The following CCSER1 variants were observed in gnomAD, a reference collection of about 807,000 sequenced individuals.
CCSER1 encodes coiled-coil serine rich protein 1.
Under a neutral mutation model 82.0 loss-of-function variants are expected in CCSER1, and 41 were observed. That is an observed-to-expected ratio of 0.50 (90% confidence interval 0.39 to 0.65). CCSER1 has a LOEUF of 0.65. Ranked by LOEUF, CCSER1 falls within the 30% of genes least tolerant of loss-of-function variation. The pLI is 0.00. For synonymous variants in CCSER1, 414 were observed against 383.9 expected (o/e 1.08, Z -0.92); for missense variants, 1,119 against 1,064.2 (o/e 1.05, Z -0.72).
intron 3 of CCSER1, among the ~76,000 whole-genome samples, chr4:90,387,531 A>G (rs1750245901): frequency 6.6e-6 from 1 of 152,182 alleles, no homozygotes; most frequent in South Asian, 2.1e-4. Context: ...CTTAGAGTAG[A>G]GGCTGACTAA....
intron 4 of CCSER1, among the ~76,000 whole-genome samples, chr4:90,438,087 T>C (rs1025365400): frequency 6.6e-6 from 1 of 152,124 alleles, no homozygotes; most frequent in Non-Finnish European, 1.5e-5. Flanking sequence ...AAATAGCACA[T>C]TGAAAAAGCT....
chr4:90,141,855 G>T (rs1254939539), intron 1 of CCSER1, among the ~76,000 whole-genome samples: 3 of 152,204 alleles, frequency 2.0e-5, no homozygotes, highest in Admixed American at 6.5e-5. Context: ...AGGTATGCTT[G>T]CCCACTGCAG....
chr4:90,603,664 G>C (rs889960399), intron 5 of CCSER1, among the ~76,000 whole-genome samples: 1 of 152,006 alleles, frequency 6.6e-6, no homozygotes, highest in Non-Finnish European at 1.5e-5. Context: ...CTCCCTTTTG[G>C]CACATGTGGG....
At chr4:90,665,882 A>C (rs2149119566) in intron 6 of CCSER1, among the ~76,000 whole-genome samples, 1 of 152,188 alleles carries the variant, frequency 6.6e-6, no homozygotes, top group Non-Finnish European at 1.5e-5. Flanking sequence ...TTGGGCTCTT[A>C]TGTGGACCTT....
At chr4:91,098,147 G>A (rs1339756474) in intron 10 of CCSER1, among the ~76,000 whole-genome samples, 2 of 152,118 alleles carry the variant, frequency 1.3e-5, no homozygotes, top group African/African-American at 2.4e-5. Flanking sequence ...CTTTATTGAT[G>A]TAAAGTATCA....
intron 10 of CCSER1, among the ~76,000 whole-genome samples, chr4:91,301,123 T>C (rs1744634662): frequency 6.6e-6 from 1 of 151,898 alleles, no homozygotes; most frequent in African/African-American, 2.4e-5. Flanking sequence ...TGGGTATTGA[T>C]AAATATACTA....
chr4:91,209,299 A>G (rs1407885115), intron 10 of CCSER1, among the ~76,000 whole-genome samples: 1 of 151,860 alleles, frequency 6.6e-6, no homozygotes, highest in African/African-American at 2.4e-5. Context: ...CCAGTTTTCA[A>G]GGGGATTCTT....
intron 10 of CCSER1, among the ~76,000 whole-genome samples, chr4:91,442,040 T>C (rs1476029502): frequency 6.6e-6 from 1 of 152,104 alleles, no homozygotes; most frequent in African/African-American, 2.4e-5. Flanking sequence ...AAAATGACCA[T>C]ACTGCCCAAG....
At chr4:90,408,782 C>T (rs1235524799) in intron 4 of CCSER1, among the ~76,000 whole-genome samples, 3 of 152,148 alleles carry the variant, frequency 2.0e-5, no homozygotes, top group African/African-American at 7.2e-5. Flanking sequence ...GCTGGACGGA[C>T]AATGACTTTG....
At chr4:91,277,200 T>G (rs760086399) in intron 10 of CCSER1, among the ~76,000 whole-genome samples, 5 of 152,120 alleles carry the variant, frequency 3.3e-5, no homozygotes, top group Admixed American at 2.0e-4. Context: ...TGTAAATATT[T>G]TTGAATAGTT....
At chr4:90,647,138 T>A (rs569300235) in intron 6 of CCSER1, among the ~76,000 whole-genome samples, 2 of 152,182 alleles carry the variant, frequency 1.3e-5, no homozygotes, top group African/African-American at 2.4e-5. Flanking sequence ...TATCTTATTA[T>A]AATGAGAATT....
At chr4:91,357,783 A>C (rs1373835757) in intron 10 of CCSER1, among the ~76,000 whole-genome samples, 1 of 142,362 alleles carries the variant, frequency 7.0e-6, no homozygotes, top group Non-Finnish European at 1.5e-5. Context: ...TTTCTGACTT[A>C]TTACAAACAT....
At chr4:91,222,830 GTTAA>G (rs1378664517) in intron 10 of CCSER1, among the ~76,000 whole-genome samples, 2 of 152,134 alleles carry the variant, frequency 1.3e-5, no homozygotes, top group East Asian at 1.9e-4. Context: ...GACTTTAAAT[GTTAA>G]TTAATTTTAA....
chr4:90,667,443 A>G (rs1489406353), intron 6 of CCSER1, among the ~76,000 whole-genome samples: 2 of 152,090 alleles, frequency 1.3e-5, no homozygotes, highest in Non-Finnish European at 2.9e-5. Context: ...TGCTGCACCC[A>G]TCAACCCATC....
intron 7 of CCSER1, among the ~76,000 whole-genome samples, chr4:90,779,163 C>G (rs371815683): frequency 2.0e-5 from 3 of 152,280 alleles, no homozygotes; most frequent in African/African-American, 7.2e-5. Flanking sequence ...AATGATATGA[C>G]TTATTTTCCA....
At chr4:90,343,046 C>T (rs1435214989) in intron 3 of CCSER1, among the ~76,000 whole-genome samples, 1 of 151,876 alleles carries the variant, frequency 6.6e-6, no homozygotes, top group East Asian at 1.9e-4. Flanking sequence ...AACTTCAATT[C>T]TCAATTGATG....
At chr4:90,184,008 C>T (rs1355501731) in intron 1 of CCSER1, among the ~76,000 whole-genome samples, 1 of 152,194 alleles carries the variant, frequency 6.6e-6, no homozygotes, top group East Asian at 1.9e-4. Flanking sequence ...TATCATAAAG[C>T]ATATCAAAAT....
intron 1 of CCSER1, among the ~76,000 whole-genome samples, chr4:90,220,687 A>G (rs1741988398): frequency 6.6e-6 from 1 of 152,184 alleles, no homozygotes; most frequent in African/African-American, 2.4e-5. Context: ...AATGACATTG[A>G]TGAATCGCTT....
intron 8 of CCSER1, among the ~76,000 whole-genome samples, chr4:90,922,367 G>T (rs1345104608): frequency 6.6e-6 from 1 of 151,854 alleles, no homozygotes; most frequent in Non-Finnish European, 1.5e-5. Flanking sequence ...TTGTGTAACT[G>T]GAATTCTTGA....
Sources: gnomAD v4.1 joint callset for allele counts (sites outside exome capture counted in the v4.1 genomes callset) on GRCh38, gnomAD v4.1.1 for gene constraint, MANE v1.5 for transcripts, NCBI Gene and HGNC (gene_info 2026-07-23, HGNC 2026-07-21) for gene names.